The following CDH9 variants were observed in gnomAD, a reference collection of about 807,000 sequenced individuals.
CDH9 encodes the protein cadherin-9.
CDH9 carries 28 observed loss-of-function variants against 70.9 expected under a neutral mutation model. The observed-to-expected ratio is 0.40, with a 90% CI of 0.29 to 0.54. CDH9 has a LOEUF of 0.54. Among genes scored for constraint, CDH9 ranks in the 20% least tolerant of loss-of-function variants. The probability of loss-of-function intolerance (pLI) is 0.59; values close to 1 mark genes in which losing one functional copy is unlikely to be tolerated. For synonymous variants in CDH9, 409 were observed against 343.1 expected, an observed-to-expected ratio of 1.19 and a Z score of -2.12; for missense variants, 874 against 984.4, an observed-to-expected ratio of 0.89 and a Z score of 1.50.
intron 3 of CDH9, among the ~76,000 whole-genome samples, chr5:26,907,945 T>C (rs900925473): frequency 6.6e-6 from 1 of 152,184 alleles, no homozygotes; most frequent in African/African-American, 2.4e-5. Context: ...TTATGGTGGA[T>C]GTTTCTCAAA....
At chr5:26,940,966 G>A (rs942892705) in intron 2 of CDH9, among the ~76,000 whole-genome samples, 1 of 152,238 alleles carries the variant, frequency 6.6e-6, no homozygotes, top group African/African-American at 2.4e-5. Flanking sequence ...CGATGTAATA[G>A]ATAGGGTTTT....
intron 2 of CDH9, among the ~76,000 whole-genome samples, chr5:26,954,605 C>G (rs62346443): frequency 0.047 from 7,074 of 151,730 alleles, 232 homozygotes; most frequent in Non-Finnish European, 0.072. Context: ...AGGATGGTCT[C>G]AATCTCCTGA....
chr5:26,913,518 T>G (rs1741090546), intron 3 of CDH9, among the ~76,000 whole-genome samples: 1 of 152,134 alleles, frequency 6.6e-6, no homozygotes, highest in East Asian at 1.9e-4. Flanking sequence ...GTGGGAATTC[T>G]AGCCAGGTAG....
chr5:27,007,063 A>G (rs1440430258), intron 1 of CDH9, among the ~76,000 whole-genome samples: 3 of 152,198 alleles, frequency 2.0e-5, no homozygotes, highest in Non-Finnish European at 4.4e-5. Context: ...CAGCAGAGAA[A>G]GCTATAAATG....
At chr5:26,980,630 G>A (rs899937002) in intron 2 of CDH9, among the ~76,000 whole-genome samples, 6 of 151,932 alleles carry the variant, frequency 3.9e-5, no homozygotes, top group Non-Finnish European at 7.4e-5. Context: ...TGGTACAAAT[G>A]TCTGGTCATC....
chr5:27,011,048 G>A (rs962814797), intron 1 of CDH9, among the ~76,000 whole-genome samples: 1 of 151,998 alleles, frequency 6.6e-6, no homozygotes, highest in Non-Finnish European at 1.5e-5. Context: ...ACATTCACTT[G>A]CATTCACATT....
At position 26,880,990 on chromosome 5, in the gene CDH9, T is replaced by C. The variant is rs564125050; in HGVS notation, c.*146A>G. 308 of 667,128 alleles carry C rather than the reference T, an allele frequency of 4.6e-4. No homozygotes were observed. The highest frequency in any genetic ancestry group is 1.2e-3 in the South Asian group (51 of 43,636). The allele number at this position is 667,128 out of a possible 1,614,324, so 41.3% of individuals were successfully genotyped here. On this transcript the variant is annotated 3_prime_UTR_variant, in exon 12 of 12. Transcript: ENST00000231021. ...GTATTCATTCACAAAGACTTACTGA[T>C]TAAGCAAATCCCTACTTGACAACAT... is the stretch of plus-strand genomic sequence containing the variant.
intron 1 of CDH9, among the ~76,000 whole-genome samples, chr5:27,000,228 C>T (rs946108308): frequency 6.6e-6 from 1 of 151,894 alleles, no homozygotes; most frequent in African/African-American, 2.4e-5. Context: ...AGATATCTAA[C>T]CAAAGAAGAT....
At chr5:26,972,143 ACGTAC>A (rs1423884253) in intron 2 of CDH9, among the ~76,000 whole-genome samples, 1 of 152,194 alleles carries the variant, frequency 6.6e-6, no homozygotes, top group African/African-American at 2.4e-5. Flanking sequence ...TTTAGGGAAA[ACGTAC>A]TGTAGTAACA....
At chr5:26,937,518 T>A (rs1741581108) in intron 2 of CDH9, among the ~76,000 whole-genome samples, 1 of 152,110 alleles carries the variant, frequency 6.6e-6, no homozygotes, top group Admixed American at 6.6e-5. Flanking sequence ...TATTACCTGG[T>A]TGAAAAGCCT....
At chr5:26,979,235 A>C (rs1027556924) in intron 2 of CDH9, among the ~76,000 whole-genome samples, 10 of 151,758 alleles carry the variant, frequency 6.6e-5, no homozygotes, top group Non-Finnish European at 1.5e-4. Flanking sequence ...GTCTTGCAAG[A>C]TAAATTATAC....
At chr5:26,923,733 T>G (rs931850888) in intron 2 of CDH9, among the ~76,000 whole-genome samples, 1 of 152,072 alleles carries the variant, frequency 6.6e-6, no homozygotes. Flanking sequence ...CACAATGGAA[T>G]AAAACTAGAA....
chr5:27,035,956 A>C (rs1464644347), intron 1 of CDH9, among the ~76,000 whole-genome samples: 2 of 151,836 alleles, frequency 1.3e-5, no homozygotes, highest in South Asian at 4.1e-4. Context: ...GTTACAGCCA[A>C]TGTTTATTCA....
At chr5:26,897,322 G>A (rs903023328) in intron 7 of CDH9, among the ~76,000 whole-genome samples, 1 of 152,114 alleles carries the variant, frequency 6.6e-6, no homozygotes, top group South Asian at 2.1e-4. Flanking sequence ...CATTTTATGA[G>A]GCCAGCATCT....
intron 7 of CDH9, among the ~76,000 whole-genome samples, chr5:26,901,044 C>T (rs1033301721): frequency 3.3e-5 from 5 of 151,894 alleles, no homozygotes; most frequent in African/African-American, 4.8e-5. Flanking sequence ...GATATGAACA[C>T]GCTAGTGCAT....
At chr5:26,971,505 A>C (rs1314604113) in intron 2 of CDH9, among the ~76,000 whole-genome samples, 5 of 152,220 alleles carry the variant, frequency 3.3e-5, no homozygotes, top group Non-Finnish European at 7.3e-5. Flanking sequence ...CAGTAGAAAA[A>C]GAATTGAGTG....
chr5:26,917,711 T>A (rs1345769715), intron 2 of CDH9, among the ~76,000 whole-genome samples: 2 of 152,096 alleles, frequency 1.3e-5, no homozygotes, highest in Non-Finnish European at 2.9e-5. Context: ...CTACATCATG[T>A]ATTTTCCTTC....
intron 7 of CDH9, among the ~76,000 whole-genome samples, chr5:26,900,597 A>T (rs1376723467): frequency 6.6e-6 from 1 of 152,078 alleles, no homozygotes; most frequent in East Asian, 1.9e-4. Flanking sequence ...TCTCATTCAG[A>T]CTCAAAAATG....
intron 1 of CDH9, among the ~76,000 whole-genome samples, chr5:27,014,072 C>A (rs1158807179): frequency 1.3e-5 from 2 of 151,958 alleles, no homozygotes; most frequent in African/African-American, 4.8e-5. Context: ...TGTGATTGAA[C>A]AGACAAAAGC....
Sources: allele counts gnomAD v4.1 joint callset (sites outside exome capture counted in the v4.1 genomes callset), GRCh38; gene constraint gnomAD v4.1.1; transcripts MANE v1.5; gene names NCBI Gene and HGNC (gene_info 2026-07-23, HGNC 2026-07-21).